Variants in RIMS2 observed in about 807,000 individuals in gnomAD.
RIMS2 encodes the protein regulating synaptic membrane exocytosis 2, also known as regulating synaptic membrane exocytosis protein 2.
RIMS2 carries 59 observed loss-of-function variants against 174.4 expected under a neutral mutation model. The observed-to-expected ratio is 0.34, with a 90% CI of 0.27 to 0.42. The LOEUF (loss-of-function observed/expected upper bound fraction) is 0.42, where lower values mean the gene tolerates loss of function less well. Among genes scored for constraint, RIMS2 ranks in the 10% least tolerant of loss-of-function variants. The pLI is 1.00. For synonymous variants in RIMS2, 606 were observed against 572.5 expected (o/e 1.06, Z -0.84); for missense variants, 1,620 against 1,666.3 (o/e 0.97, Z 0.48).
At chr8:103,783,565 A>G (rs540505047) in intron 3 of RIMS2, among the ~76,000 whole-genome samples, 4,740 of 151,084 alleles carry the variant, frequency 0.031, 225 homozygotes, top group African/African-American at 0.11. Flanking sequence ...ATGATTTCCA[A>G]TTTCATCCAT....
chr8:103,703,037 A>C (rs1397296123), intron 2 of RIMS2, among the ~76,000 whole-genome samples: 1 of 149,080 alleles, frequency 6.7e-6, no homozygotes, highest in Non-Finnish European at 1.5e-5. Flanking sequence ...GCTGGAGTGC[A>C]TTGGAGCCGT....
At chr8:103,747,661 A>AT (rs2097839879) in intron 2 of RIMS2, among the ~76,000 whole-genome samples, 1 of 152,002 alleles carries the variant, frequency 6.6e-6, no homozygotes, top group Admixed American at 6.6e-5. Context: ...GATAAAAGAG[A>AT]TTTTATGATG....
intron 1 of RIMS2, chr8:103,568,918 T>C: frequency 2.1e-6 from 2 of 964,066 alleles, no homozygotes; most frequent in South Asian, 1.3e-5. Context: ...AACACATCAG[T>C]GGCATTGCAA....
intron 21 of RIMS2, 120 bp from the exon 28 acceptor site, chr8:104,249,366 TA>T (rs1368669297): frequency 3.6e-6 from 2 of 559,598 alleles, no homozygotes; most frequent in African/African-American, 3.8e-5. Context: ...ATTTTAAGTA[TA>T]TTTGAATTTA....
chr8:103,534,712 C>A (rs1838993959), intron 1 of RIMS2, among the ~76,000 whole-genome samples: 1 of 152,098 alleles, frequency 6.6e-6, no homozygotes, highest in South Asian at 2.1e-4. Context: ...GAAATATTTT[C>A]CCCCCAAAGA....
intron 1 of RIMS2, among the ~76,000 whole-genome samples, chr8:103,616,218 A>G (rs1006082177): frequency 3.3e-5 from 5 of 152,216 alleles, no homozygotes; most frequent in African/African-American, 1.2e-4. Context: ...TTCAATATGT[A>G]AAAATCAATA....
intron 19 of RIMS2, among the ~76,000 whole-genome samples, chr8:104,131,667 A>C (rs910515893): frequency 6.6e-6 from 1 of 152,028 alleles, no homozygotes; most frequent in African/African-American, 2.4e-5. Context: ...TAAGCTAAAA[A>C]CAATATTTTA....
At chr8:103,719,130 T>G (rs1265509351) in intron 2 of RIMS2, among the ~76,000 whole-genome samples, 1 of 152,180 alleles carries the variant, frequency 6.6e-6, no homozygotes, top group Non-Finnish European at 1.5e-5. Context: ...AAAATGTAGC[T>G]GGCACAACCT....
At chr8:104,011,976 T>C (rs1356000785) in intron 17 of RIMS2, among the ~76,000 whole-genome samples, 1 of 152,028 alleles carries the variant, frequency 6.6e-6, no homozygotes, top group Non-Finnish European at 1.5e-5. Flanking sequence ...AAAATAGTTT[T>C]TCAGAAACAA....
intron 19 of RIMS2, among the ~76,000 whole-genome samples, chr8:104,065,053 T>A (rs2097080480): frequency 6.6e-6 from 1 of 152,054 alleles, no homozygotes; most frequent in African/African-American, 2.4e-5. Context: ...TTTTTCAAAC[T>A]TTTTATTTTG....
At chr8:104,054,963 CCT>C (rs979866409) in intron 19 of RIMS2, among the ~76,000 whole-genome samples, 1 of 152,030 alleles carries the variant, frequency 6.6e-6, no homozygotes, top group Non-Finnish European at 1.5e-5. Context: ...TTATTTCACT[CCT>C]CTCTCTGTAT....
At chr8:104,164,550 C>G (rs2098784985) in intron 19 of RIMS2, among the ~76,000 whole-genome samples, 1 of 152,172 alleles carries the variant, frequency 6.6e-6, no homozygotes, top group African/African-American at 2.4e-5. Flanking sequence ...TGAAATCAAC[C>G]CAAATGTCCA....
chr8:104,199,293 AC>A (rs2099042321), intron 19 of RIMS2, among the ~76,000 whole-genome samples: 1 of 151,620 alleles, frequency 6.6e-6, no homozygotes. Context: ...AGATCTCCTG[AC>A]CTTGTGATCT....
At chr8:104,128,975 G>C (rs979804676) in intron 19 of RIMS2, among the ~76,000 whole-genome samples, 2 of 152,164 alleles carry the variant, frequency 1.3e-5, no homozygotes, top group Non-Finnish European at 2.9e-5. Context: ...TTCTAGACTA[G>C]ATGTAAAAAT....
chr8:104,227,173 G>A (rs1030719601), intron 19 of RIMS2, among the ~76,000 whole-genome samples: 2 of 149,108 alleles, frequency 1.3e-5, no homozygotes, highest in African/African-American at 2.5e-5. Flanking sequence ...TAAGATTGTC[G>A]ATGGTCTTTG....
intron 2 of RIMS2, among the ~76,000 whole-genome samples, chr8:103,701,969 A>AT (rs1206358487): frequency 2.6e-5 from 4 of 152,046 alleles, no homozygotes; most frequent in Non-Finnish European, 5.9e-5. Context: ...TTGTTGGATC[A>AT]TATGGTGGTT....
At chr8:103,816,093 A>G (rs1290313941) in intron 3 of RIMS2, among the ~76,000 whole-genome samples, 2 of 152,182 alleles carry the variant, frequency 1.3e-5, no homozygotes, top group Non-Finnish European at 2.9e-5. Context: ...AATTTAAAAC[A>G]CACGTTATCT....
intron 3 of RIMS2, among the ~76,000 whole-genome samples, chr8:103,787,570 T>G (rs2098455580): frequency 1.3e-5 from 2 of 152,158 alleles, no homozygotes; most frequent in Non-Finnish European, 2.9e-5. Context: ...GGTTGAAAAT[T>G]CTTTTCTTTA....
chr8:103,824,793 T>C (rs992459919), intron 3 of RIMS2, among the ~76,000 whole-genome samples: 4 of 152,224 alleles, frequency 2.6e-5, no homozygotes, highest in African/African-American at 9.6e-5. Flanking sequence ...GCTGCTTACT[T>C]AAACTCAGGA....
Sources: gnomAD v4.1 joint callset for allele counts (sites outside exome capture counted in the v4.1 genomes callset) on GRCh38, gnomAD v4.1.1 for gene constraint, MANE v1.5 for transcripts, NCBI Gene and HGNC (gene_info 2026-07-23, HGNC 2026-07-21) for gene names.